BASP1: variants seen among roughly 807,000 people sequenced by gnomAD.
BASP1 encodes the protein brain acid soluble protein 1.
BASP1 carries 1 observed loss-of-function variant against 2.2 expected under a neutral mutation model. The observed-to-expected ratio is 0.46, with a 90% confidence interval of 0.16 to 2.17. BASP1 has a LOEUF of 2.17. Among genes scored for constraint, BASP1 ranks in the 30% most tolerant of loss-of-function variants. The pLI, the probability that BASP1 is intolerant of heterozygous loss-of-function variation, is 0.27. For missense variants in BASP1, 352 were observed against 327.2 expected (o/e 1.08, Z -0.58); for synonymous variants, 187 against 154.2 (o/e 1.21, Z -1.58).
chr5:17,229,572 C>G (rs931744747), intron 1 of BASP1, among the ~76,000 whole-genome samples: 1 of 152,076 alleles, frequency 6.6e-6, no homozygotes, highest in East Asian at 1.9e-4. Context: ...GTTCAGGGGA[C>G]GAAAGCCCAG....
rs1739287264 is a variant in BASP1 at position 17,217,698 on chromosome 5, C to G, written c.-122C>G. 6.5e-6 allele frequency: 1 copy of G among 154,250 alleles called. No individual in the cohort carries two copies. The highest frequency in any genetic ancestry group is 1.7e-4 in the South Asian group (1 of 5,886). The allele number at this position is 154,250 out of a possible 1,614,324, so 9.6% of individuals were successfully genotyped here. On this transcript the variant is annotated 5_prime_UTR_variant, in exon 1 of 2. Coordinates refer to ENST00000322611, the MANE Select transcript of BASP1 (RefSeq NM_006317.5). ...GGCTCCTCGCTCCGGGCTCCGCCGTCGAGCCGGGAGAGAGCCTCCGCCAGC... is the reference window on the plus strand; with the variant it reads ...GGCTCCTCGCTCCGGGCTCCGCCGTGGAGCCGGGAGAGAGCCTCCGCCAGC...
chr5:17,226,785 A>T (rs951595380), intron 1 of BASP1, among the ~76,000 whole-genome samples: 3 of 152,190 alleles, frequency 2.0e-5, no homozygotes, highest in African/African-American at 7.2e-5. Context: ...ACAGGCAGAG[A>T]GTTCTGGAGT....
At chr5:17,243,374 G>A (rs546741731) in intron 1 of BASP1, among the ~76,000 whole-genome samples, 9 of 152,166 alleles carry the variant, frequency 5.9e-5, no homozygotes, top group African/African-American at 2.2e-4. Flanking sequence ...GGCTAGTCTC[G>A]AAGTCCTGAC....
At chr5:17,254,374 T>C (rs1401777692) in intron 1 of BASP1, among the ~76,000 whole-genome samples, 1 of 152,164 alleles carries the variant, frequency 6.6e-6, no homozygotes, top group Non-Finnish European at 1.5e-5. Context: ...GTAGACTGAG[T>C]TTGGGAAGTG....
chr5:17,237,525 A>G (rs984935538), intron 1 of BASP1, among the ~76,000 whole-genome samples: 4 of 152,092 alleles, frequency 2.6e-5, no homozygotes, highest in Admixed American at 1.3e-4. Context: ...GCCTAAATCT[A>G]TAGTTGAGCT....
Position 17,236,572 on chromosome 5 carries a change from A to C in BASP1, c.-10+18762A>C, listed in dbSNP as rs1739752960. Among the ~76,000 whole-genome samples, 1 of 152,058 alleles carries C rather than the reference A, an allele frequency of 6.6e-6. No individual in the cohort carries two copies. The highest frequency in any genetic ancestry group is 2.1e-4 in the South Asian group (1 of 4,832). ...GAGCCACCGCGCTCGGCCGAGAGCT[A>C]GTTTCCTGATTGATAAAATGTTCAC... On this transcript the variant is annotated intron_variant, in intron 1 of 1. Coordinates refer to ENST00000322611, the MANE Select transcript of BASP1 (RefSeq NM_006317.5). The surrounding 1 kb of genome is among the most constrained non-coding windows in gnomAD (Gnocchi z 4.0).
chr5:17,233,807 T>TATCA (rs1739683491), intron 1 of BASP1, among the ~76,000 whole-genome samples: 1 of 151,922 alleles, frequency 6.6e-6, no homozygotes, highest in Admixed American at 6.6e-5. Context: ...TTGCTAGTGA[T>TATCA]GGTGATGGTG....
intron 1 of BASP1, among the ~76,000 whole-genome samples, chr5:17,259,582 G>T (rs1365093262): frequency 3.3e-5 from 5 of 152,052 alleles, no homozygotes; most frequent in African/African-American, 1.2e-4. Flanking sequence ...AATAGCATTA[G>T]GACTGAAAAT....
chr5:17,266,355 C>T (rs140240464), intron 1 of BASP1, among the ~76,000 whole-genome samples: 4 of 152,214 alleles, frequency 2.6e-5, no homozygotes, highest in East Asian at 1.9e-4. Flanking sequence ...TCTGTTCCTT[C>T]GCCACCTCTC....
rs571868252 is a variant in BASP1, at chr5:17,257,150, G to A, written c.-9-18058G>A. On this transcript the variant is annotated intron_variant, in intron 1 of 1. Transcript: ENST00000322611. ...AGACATTTTTCTGTATATACTGGATGCAGGCATTTGTATTCCTGGATGGCA... is the reference window on the plus strand; with the variant it reads ...AGACATTTTTCTGTATATACTGGATACAGGCATTTGTATTCCTGGATGGCA... Among the ~76,000 whole-genome samples the A allele has an allele frequency of 7.8e-4, 119 of 152,250 alleles. 1 individual carries two copies. The Middle Eastern group carries it at 0.01, about 13-fold the overall frequency.
Position 17,275,086 on chromosome 5 carries a change from C to A in BASP1, c.-9-122C>A. On this transcript the variant is annotated intron_variant, in intron 1 of 1. Coordinates refer to ENST00000322611, the MANE Select transcript of BASP1 (RefSeq NM_006317.5). The surrounding 1 kb of genome is among the most constrained non-coding windows in gnomAD (Gnocchi z 5.3). ...TGTGCCTAACTATAGTTTACCATGC[C>A]ACCCCTTTGGGGTGTGCAGTGCAGC... 1.3e-6 allele frequency: 1 copy of A among 794,416 alleles called. No individual in the cohort carries two copies. The highest frequency in any genetic ancestry group is 2.0e-6 in the Non-Finnish European group (1 of 494,208). 49.2% of individuals were successfully genotyped at this position (794,416 alleles called of 1,614,324 possible).
chr5:17,265,039 A>G (rs994935496), intron 1 of BASP1, among the ~76,000 whole-genome samples: 2 of 152,242 alleles, frequency 1.3e-5, no homozygotes, highest in Admixed American at 1.3e-4. Flanking sequence ...TATGGCAGTT[A>G]ATGTATGCCA....
At chr5:17,257,430 A>G (rs1387064033) in intron 1 of BASP1, among the ~76,000 whole-genome samples, 1 of 152,194 alleles carries the variant, frequency 6.6e-6, no homozygotes, top group Non-Finnish European at 1.5e-5. Flanking sequence ...TGAAATTCAG[A>G]GTTATTCTCT....
rs755686023 is a variant in BASP1 at position 17,275,738 on chromosome 5, C to T, written c.522C>T (p.Pro174=). 43 of 1,611,614 alleles carry T rather than the reference C, an allele frequency of 2.7e-5. 1 individual carries two copies. The Admixed American group carries it at 6.0e-4, about 23-fold the overall frequency. The part of the protein sequence containing the change: ...SDGAPASDSK[P]GSSEAAPSSK... ...GGGCCCCAGCTTCAGACTCAAAACCCGGCAGCTCGGAGGCTGCCCCCTCTT... is the reference window on the plus strand; with the variant it reads ...GGGCCCCAGCTTCAGACTCAAAACCTGGCAGCTCGGAGGCTGCCCCCTCTT... The change falls in exon 2 of 2, where the codon CCC becomes CCT. Residue 174 remains proline, a synonymous_variant. Coordinates refer to ENST00000322611, the MANE Select transcript of BASP1 (RefSeq NM_006317.5). This position sits in a 1 kb window ranked among gnomAD's most constrained non-coding sequence, Gnocchi z 5.3.
Position 17,275,996 on chromosome 5 carries a change from C to T in BASP1, c.*96C>T, listed in dbSNP as rs188176058. 12 of 1,085,694 alleles carry T rather than the reference C, an allele frequency of 1.1e-5. No homozygotes were observed. The highest frequency in any genetic ancestry group is 1.3e-5 in the Non-Finnish European group (10 of 796,562). The allele number at this position is 1,085,694 out of a possible 1,614,324, so 67.3% of individuals were successfully genotyped here. On this transcript the variant is annotated 3_prime_UTR_variant, in exon 2 of 2. Coordinates refer to ENST00000322611, the MANE Select transcript of BASP1 (RefSeq NM_006317.5). The surrounding 1 kb of genome is among the most constrained non-coding windows in gnomAD (Gnocchi z 5.3). ...ATCTCTCTCTCTATCTCCTCTCTCT[C>T]TCTCCTCTCCTATCTCTCCTCTCTC... is the stretch of plus-strand genomic sequence containing the variant.
chr5:17,246,910 G>T (rs947384946), intron 1 of BASP1, among the ~76,000 whole-genome samples: 2 of 152,174 alleles, frequency 1.3e-5, no homozygotes, highest in African/African-American at 4.8e-5. Flanking sequence ...TCATTTGGCC[G>T]TTGCAGTGGC....
At chr5:17,262,516 G>T (rs1022481149) in intron 1 of BASP1, among the ~76,000 whole-genome samples, 1 of 152,112 alleles carries the variant, frequency 6.6e-6, no homozygotes, top group Non-Finnish European at 1.5e-5. Flanking sequence ...TTCCTCCCTC[G>T]TAGAACTGAT....
chr5:17,275,961 CTCTCTCTCTA>C lies in BASP1; in HGVS notation c.*71_*80del, dbSNP rs1307812174. 297 of 1,393,946 alleles carry C rather than the reference CTCTCTCTCTA, an allele frequency of 2.1e-4. No individual in the cohort carries two copies. The highest frequency in any genetic ancestry group is 1.4e-3 in the Admixed American group (53 of 38,068). 86.3% of individuals were successfully genotyped at this position (1,393,946 alleles called of 1,614,324 possible). A position where few individuals can be genotyped will look rare whatever the true frequency, so the allele number is the denominator to read the frequency against. Reference sequence around the variant, plus strand: ...AACAATCTCCTCTCTCTCTCTCTCTCTCTCTCTCTATCTCTCTCTCTATCTCCTCTCTCTC... The same window carrying C: ...AACAATCTCCTCTCTCTCTCTCTCTCTCTCTCTCTCTATCTCCTCTCTCTC... On this transcript the variant is annotated 3_prime_UTR_variant, in exon 2 of 2. Transcript: ENST00000322611. This position sits in a 1 kb window ranked among gnomAD's most constrained non-coding sequence, Gnocchi z 5.3.
intron 1 of BASP1, among the ~76,000 whole-genome samples, chr5:17,266,197 T>C (rs550198430): frequency 6.6e-6 from 1 of 152,338 alleles, no homozygotes; most frequent in South Asian, 2.1e-4. Context: ...AGTGTCCTGC[T>C]ATAGAAGTTT....
Sources: allele counts gnomAD v4.1 joint callset (sites outside exome capture counted in the v4.1 genomes callset), GRCh38; gene constraint gnomAD v4.1.1; non-coding constraint Gnocchi (gnomAD v3.1); transcripts MANE v1.5; gene names NCBI Gene and HGNC (gene_info 2026-07-23, HGNC 2026-07-21).